The following ITSN2 variants were observed in gnomAD, a reference collection of about 807,000 sequenced individuals.
ITSN2 encodes intersectin 2, also known as intersectin-2.
A neutral mutation model predicts 243.7 loss-of-function variants in ITSN2; 156 were observed. The observed-to-expected ratio is 0.64, with a 90% CI of 0.56 to 0.73. The LOEUF (loss-of-function observed/expected upper bound fraction) is 0.73. Ranked by LOEUF, ITSN2 falls within the 30% of genes least tolerant of loss-of-function variation. ITSN2 has a pLI of 0.00. For missense variants in ITSN2, 1,801 were observed against 1,996.1 expected (o/e 0.90, Z 1.86); for synonymous variants, 703 against 699.9 (o/e 1.00, Z -0.07).
chr2:24,264,159 A>AG (rs1044003002), intron 20 of ITSN2, among the ~76,000 whole-genome samples: 4 of 152,148 alleles, frequency 2.6e-5, no homozygotes, highest in Non-Finnish European at 5.9e-5. Flanking sequence ...TGGAAGGCCG[A>AG]GGGGGGCAGA....
At chr2:24,314,035 G>C (rs13389048) in intron 3 of ITSN2, among the ~76,000 whole-genome samples, 1 of 152,072 alleles carries the variant, frequency 6.6e-6, no homozygotes, top group Non-Finnish European at 1.5e-5. Flanking sequence ...ACTGAGACAA[G>C]GGACAAACTT....
At chr2:24,236,477 G>A (rs1375023282) in intron 29 of ITSN2, among the ~76,000 whole-genome samples, 1 of 152,068 alleles carries the variant, frequency 6.6e-6, no homozygotes, top group Non-Finnish European at 1.5e-5. Context: ...CAATTGCATG[G>A]CAAGTGAATT....
chr2:24,220,266 T>G (rs1447200883), intron 30 of ITSN2: 1 of 944,364 alleles, frequency 1.1e-6, no homozygotes, highest in African/African-American at 1.8e-5. Flanking sequence ...GTAACTGGTC[T>G]TCTCACCTGA....
Position 24,249,003 on chromosome 2 carries a change from G to T in ITSN2, c.3121-121C>A. ...GATTCTTTTCTCTTTAAATGAAGATGAAAATGACAATGAACCTCATGCAGT... is the reference window on the plus strand; with the variant it reads ...GATTCTTTTCTCTTTAAATGAAGATTAAAATGACAATGAACCTCATGCAGT... On this transcript the variant is annotated intron_variant, in intron 25 of 39. Transcript: ENST00000355123. The surrounding 1 kb of genome is among the most constrained non-coding windows in gnomAD (Gnocchi z 4.4). 1 of 1,019,380 alleles carries T rather than the reference G, an allele frequency of 9.8e-7. No individual in the cohort carries two copies. Among genetic ancestry groups the T allele is most frequent in the Non-Finnish European group, 1.5e-6 (1 of 676,014 alleles). 63.1% of individuals were successfully genotyped at this position (1,019,380 alleles called of 1,614,324 possible).
chr2:24,308,747 G>A lies in ITSN2; in HGVS notation c.663C>T (p.Ser221=), dbSNP rs1214296118. ...AGTTCCCTGAGAGTGAAGCAGTCGAGGAAGTTGAGCTATAAAAAAATTTAT... is the reference window on the plus strand; with the variant it reads ...AGTTCCCTGAGAGTGAAGCAGTCGAAGAAGTTGAGCTATAAAAAAATTTAT... ...LIDLGSSSST[S]STASLSGNSP... is the part of the protein sequence containing the mutation. Residue 221 remains serine (S), a synonymous_variant, in exon 8 of 40, where the codon TCC becomes TCT. Transcript: ENST00000355123. 1.4e-6 allele frequency: 2 copies of A among 1,415,032 alleles called. No homozygotes were observed. The highest frequency in any genetic ancestry group is 5.1e-5 in the East Asian group (2 of 39,038). The allele number at this position is 1,415,032 out of a possible 1,614,324, so 87.7% of individuals were successfully genotyped here.
At chr2:24,282,505 C>T (rs1483966023) in intron 17 of ITSN2, among the ~76,000 whole-genome samples, 1 of 152,166 alleles carries the variant, frequency 6.6e-6, no homozygotes, top group East Asian at 1.9e-4. Context: ...TACAGAAATC[C>T]CTCTGTTCTG....
chr2:24,314,281 A>G (rs866614361), intron 3 of ITSN2, among the ~76,000 whole-genome samples: 12 of 152,242 alleles, frequency 7.9e-5, no homozygotes, highest in African/African-American at 2.9e-4. Flanking sequence ...CGTAATGGAC[A>G]AAGTTATTAA....
In ITSN2 at chr2:24,270,781, C is replaced by T. The variant is rs1677240902; in HGVS notation, c.2258-13G>A. 1 of 1,417,026 alleles carries T rather than the reference C, an allele frequency of 7.1e-7. No individual in the cohort carries two copies. Among genetic ancestry groups the T allele is most frequent in the Non-Finnish European group, 9.9e-7 (1 of 1,014,804 alleles). The allele number at this position is 1,417,026 out of a possible 1,614,324, so 87.8% of individuals were successfully genotyped here. On this transcript the variant is annotated splice_polypyrimidine_tract_variant and intron_variant, in intron 19 of 39. Transcript: ENST00000355123. The stretch of plus-strand genomic sequence containing the variant: ...CTAGCTGTCTCACCTAAAGAGAAGA[C>T]AATTGTCATTATTTGCAACTTACAT...
chr2:24,284,156 TTAAAA>T (rs1185193496), intron 17 of ITSN2, among the ~76,000 whole-genome samples: 3 of 152,202 alleles, frequency 2.0e-5, no homozygotes, highest in Non-Finnish European at 4.4e-5. Flanking sequence ...TTAAGCTCTA[TTAAAA>T]TATTTTTAAT....
chr2:24,213,859 G>A (rs949501464), intron 32 of ITSN2, among the ~76,000 whole-genome samples: 2 of 152,046 alleles, frequency 1.3e-5, no homozygotes, highest in African/African-American at 4.8e-5. Context: ...ATCACAAATC[G>A]AAGGGCTCTG....
At chr2:24,331,277 T>C (rs1212974282) in intron 1 of ITSN2, among the ~76,000 whole-genome samples, 1 of 151,624 alleles carries the variant, frequency 6.6e-6, no homozygotes. Flanking sequence ...TTCACTATGT[T>C]AGCCAGGCTG....
chr2:24,283,682 G>A (rs115300031), intron 17 of ITSN2, among the ~76,000 whole-genome samples: 2 of 152,156 alleles, frequency 1.3e-5, no homozygotes, highest in African/African-American at 4.8e-5. Context: ...TCTGATGAAA[G>A]TATCAATAAG....
chr2:24,253,068 G>A (rs1270255588), intron 24 of ITSN2, among the ~76,000 whole-genome samples: 2 of 152,242 alleles, frequency 1.3e-5, no homozygotes, highest in East Asian at 3.9e-4. Flanking sequence ...TCGATAAATA[G>A]TTGTTAACAA....
At chr2:24,229,872 C>G (rs892790462) in intron 29 of ITSN2, among the ~76,000 whole-genome samples, 5 of 152,088 alleles carry the variant, frequency 3.3e-5, no homozygotes, top group African/African-American at 1.2e-4. Flanking sequence ...CATATCCTCC[C>G]ACCTCACTGG....
At chr2:24,254,337 C>T in intron 24 of ITSN2, 30 bp downstream of exon 24, 2 of 1,468,062 alleles carry the variant, frequency 1.4e-6, no homozygotes, top group Non-Finnish European at 1.9e-6. Context: ...AATTGATTAC[C>T]ATCTAATTTA....
chr2:24,330,420 G>T, intron 1 of ITSN2: 1 of 616,502 alleles, frequency 1.6e-6, no homozygotes, highest in East Asian at 3.6e-5. Context: ...GAGAAAGGGT[G>T]AAGGGGATGC....
chr2:24,248,783 G>C (rs754937952), intron 26 of ITSN2, 33 bp from the exon 27 acceptor site: 1 of 1,613,074 alleles, frequency 6.2e-7, no homozygotes, highest in Admixed American at 1.7e-5. Flanking sequence ...ATGAATTCAA[G>C]ATTGCGACAG....
At chr2:24,239,952 C>T (rs1399034760) in intron 29 of ITSN2, 2 of 151,986 alleles carry the variant, frequency 1.3e-5, no homozygotes, top group African/African-American at 4.8e-5. Context: ...TCCATAGGTA[C>T]CTGATGAACA....
chr2:24,280,009 G>A (rs1186808052), intron 17 of ITSN2, among the ~76,000 whole-genome samples: 2 of 152,120 alleles, frequency 1.3e-5, no homozygotes, highest in Non-Finnish European at 2.9e-5. Flanking sequence ...TGGGATTACA[G>A]GCGTGAGCCA....
Sources: allele counts gnomAD v4.1 joint callset (sites outside exome capture counted in the v4.1 genomes callset), GRCh38; gene constraint gnomAD v4.1.1; non-coding constraint Gnocchi (gnomAD v3.1); transcripts MANE v1.5; gene names NCBI Gene and HGNC (gene_info 2026-07-23, HGNC 2026-07-21).